Variants in NOSTRIN observed in about 807,000 individuals in gnomAD.
NOSTRIN encodes nitric oxide synthase trafficking, also known as BM247 homolog.
In NOSTRIN, 63 loss-of-function variants were observed where a neutral mutation model predicts 59.0. That is an observed-to-expected ratio of 1.07 (90% CI 0.87 to 1.32). The LOEUF (loss-of-function observed/expected upper bound fraction) is 1.32. Ranked by LOEUF, NOSTRIN falls within the 40% of genes most tolerant of loss-of-function variation. NOSTRIN has a pLI of 0.00. For synonymous variants in NOSTRIN, 200 were observed against 165.4 expected (o/e 1.21, Z -1.61); for missense variants, 512 against 473.1 (o/e 1.08, Z -0.76).
intron 10 of NOSTRIN, among the ~76,000 whole-genome samples, chr2:168,852,201 C>A (rs1400640335): frequency 6.6e-6 from 1 of 152,102 alleles, no homozygotes; most frequent in Non-Finnish European, 1.5e-5. Context: ...GGGAAGATCA[C>A]CCAAAGGCAT....
At chr2:168,804,242 G>A (rs976264790) in intron 1 of NOSTRIN, among the ~76,000 whole-genome samples, 3 of 152,152 alleles carry the variant, frequency 2.0e-5, no homozygotes, top group Admixed American at 6.5e-5. Flanking sequence ...TCTGCTTAAA[G>A]CTCCACTCCC....
rs1260299820 is a variant in NOSTRIN, at chr2:168,834,538, CA to C, written c.504+214del. 8.0e-5 allele frequency among the ~76,000 whole-genome samples: 12 copies of C among 149,772 alleles called. No individual in the cohort carries two copies. In the South Asian group the frequency reaches 8.6e-4, roughly 11 times the overall value. ...ACACACACACACACACACACACACA[CA>C]CACCACATACATTTTAAACTTTATT... On this transcript the variant is annotated intron_variant, in intron 7 of 15. Coordinates refer to ENST00000317647, the MANE Select transcript of NOSTRIN (RefSeq NM_001039724.4).
intron 4 of NOSTRIN, 59 bp from the exon 5 acceptor site, chr2:168,828,361 T>C (rs1687168991): frequency 1.2e-6 from 1 of 865,006 alleles, no homozygotes; most frequent in African/African-American, 1.6e-5. Context: ...GAAAGTAATT[T>C]GGAAAGTAGA....
chr2:168,824,685 G>A lies in NOSTRIN; in HGVS notation c.165G>A (p.Lys55=). 1 of 872,828 alleles carries A rather than the reference G, an allele frequency of 1.1e-6. No homozygotes were observed. The highest frequency in any genetic ancestry group is 2.0e-6 in the Non-Finnish European group (1 of 501,576). The allele number at this position is 872,828 out of a possible 1,614,324, so 54.1% of individuals were successfully genotyped here. ...AAGGACTTCAGAAACTGGCAAGCAA[G>A]CTGAGCAAAGCATTACAGAACACGA... is the stretch of plus-strand genomic sequence containing the variant. The part of the protein sequence containing the change: ...YAKGLQKLAS[K]LSKALQNTRK... The change falls in exon 3 of 16, where the codon AAG becomes AAA. Residue 55 remains lysine (K), a synonymous_variant. Transcript: ENST00000317647.
At chr2:168,844,266 G>T (rs1249189036) in intron 8 of NOSTRIN, among the ~76,000 whole-genome samples, 1 of 152,152 alleles carries the variant, frequency 6.6e-6, no homozygotes, top group East Asian at 1.9e-4. Flanking sequence ...CGCAGCTTAT[G>T]CACGGCCCCT....
chr2:168,832,724 C>G (rs879713795), intron 6 of NOSTRIN, among the ~76,000 whole-genome samples: 6 of 152,168 alleles, frequency 3.9e-5, no homozygotes, highest in Non-Finnish European at 8.8e-5. Flanking sequence ...AAACAGTATC[C>G]AGTCATTTGC....
At chr2:168,843,639 T>A (rs1688226040) in intron 8 of NOSTRIN, among the ~76,000 whole-genome samples, 1 of 152,100 alleles carries the variant, frequency 6.6e-6, no homozygotes, top group Admixed American at 6.5e-5. Flanking sequence ...AGCAAGCACA[T>A]CACAAAAGGA....
At chr2:168,791,757 A>G (rs1490998891) in intron 2 of NOSTRIN, among the ~76,000 whole-genome samples, 13 of 151,404 alleles carry the variant, frequency 8.6e-5, no homozygotes, top group Admixed American at 1.3e-4. Flanking sequence ...GGTTTTTTTC[A>G]TGTGTTTTTT....
intron 7 of NOSTRIN, among the ~76,000 whole-genome samples, chr2:168,836,966 C>T (rs574674069): frequency 2.6e-5 from 4 of 152,180 alleles, no homozygotes; most frequent in East Asian, 1.9e-4. Flanking sequence ...AGCAGACATT[C>T]TGGAAGTGTG....
chr2:168,834,406 G>A (rs568058276), intron 7 of NOSTRIN, 81 bp downstream of exon 7: 8 of 742,556 alleles, frequency 1.1e-5, no homozygotes, highest in East Asian at 5.3e-5. Flanking sequence ...ACAAGAGAAC[G>A]GGTTGATTCC....
intron 2 of NOSTRIN, among the ~76,000 whole-genome samples, chr2:168,823,945 C>T (rs752448285): frequency 3.3e-5 from 5 of 152,016 alleles, no homozygotes; most frequent in African/African-American, 4.8e-5. Context: ...CATTGTGGTA[C>T]GTGCCTGTAA....
intron 2 of NOSTRIN, among the ~76,000 whole-genome samples, chr2:168,822,332 A>G (rs1402652495): frequency 7.4e-6 from 1 of 135,808 alleles, no homozygotes; most frequent in Non-Finnish European, 1.6e-5. Flanking sequence ...AACTTAAAGC[A>G]CAGCTGTACT....
At position 168,860,678 on chromosome 2, in the gene NOSTRIN, A is replaced by AG. The variant is rs1466406389; in HGVS notation, c.1180-117_1180-116insG. ...AGGGCAAGACTCTGTCTAAAAAAAA[A>AG]AAAGAAAAAACAAACAGAAAAAACA... On this transcript the variant is annotated intron_variant, in intron 13 of 15. Transcript: ENST00000317647. 6 of 697,726 alleles carry AG rather than the reference A, an allele frequency of 8.6e-6. 1 individual carries two copies. The highest frequency in any genetic ancestry group is 1.4e-5 in the Non-Finnish European group (6 of 419,064). The allele number at this position is 697,726 out of a possible 1,614,324, so 43.2% of individuals were successfully genotyped here.
intron 1 of NOSTRIN, among the ~76,000 whole-genome samples, chr2:168,810,225 C>G (rs1191418176): frequency 6.6e-6 from 1 of 152,216 alleles, no homozygotes; most frequent in Non-Finnish European, 1.5e-5. Context: ...ACCCTCACCA[C>G]TCTCCTTGTA....
intron 7 of NOSTRIN, among the ~76,000 whole-genome samples, chr2:168,837,631 G>T (rs535427023): frequency 6.6e-6 from 1 of 152,004 alleles, no homozygotes; most frequent in African/African-American, 2.4e-5. Flanking sequence ...AGTGAAAGGG[G>T]TATCTATCTG....
chr2:168,855,468 A>C lies in NOSTRIN; in HGVS notation c.964+8A>C, dbSNP rs771476789. On this transcript the variant is annotated splice_region_variant and intron_variant, in intron 11 of 15. Transcript: ENST00000317647. ...CCTCAAAAGACAAGGAAGGTGTGTA[A>C]CCATCTCTTTGAATGGCCAGAAAAG... is the stretch of plus-strand genomic sequence containing the variant. 1 of 1,523,922 alleles carries C rather than the reference A, an allele frequency of 6.6e-7. No individual in the cohort carries two copies. The highest frequency in any genetic ancestry group is 9.1e-7 in the Non-Finnish European group (1 of 1,101,666). The allele number at this position is 1,523,922 out of a possible 1,614,324, so 94.4% of individuals were successfully genotyped here. A position where few individuals can be genotyped will look rare whatever the true frequency, so the allele number is the denominator to read the frequency against.
At chr2:168,838,890 A>G (rs552548913) in intron 7 of NOSTRIN, among the ~76,000 whole-genome samples, 1 of 149,840 alleles carries the variant, frequency 6.7e-6, no homozygotes, top group East Asian at 2.0e-4. Flanking sequence ...CAAGTTCAAC[A>G]ATTCTGCCTT....
chr2:168,802,385 C>T (rs1685642813), upstream of NOSTRIN: 3 of 456,618 alleles, frequency 6.6e-6, no homozygotes, highest in South Asian at 7.0e-5. Flanking sequence ...GTTCAGGACT[C>T]AGGATCCTGC....
At chr2:168,856,379 A>C in intron 11 of NOSTRIN, 1 of 319,644 alleles carries the variant, frequency 3.1e-6, no homozygotes. Context: ...GCTGGAGACC[A>C]GTTTGGCCAA....
Sources: gnomAD v4.1 joint callset for allele counts (sites outside exome capture counted in the v4.1 genomes callset) on GRCh38, gnomAD v4.1.1 for gene constraint, MANE v1.5 for transcripts, NCBI Gene and HGNC (gene_info 2026-07-23, HGNC 2026-07-21) for gene names.